The following PLEKHH2 variants were observed in gnomAD, a reference collection of about 807,000 sequenced individuals.
The protein encoded by PLEKHH2 is pleckstrin homology, MyTH4 and FERM domain containing H2.
PLEKHH2 carries 129 observed loss-of-function variants against 187.9 expected under a neutral mutation model. The observed-to-expected ratio is 0.69, with a 90% CI of 0.59 to 0.79. The LOEUF is 0.79. Among genes scored for constraint, PLEKHH2 ranks in the 30% least tolerant of loss-of-function variants. The pLI is 0.00. For synonymous variants in PLEKHH2, 686 were observed against 605.6 expected, an observed-to-expected ratio of 1.13 and a Z score of -1.95; for missense variants, 2,076 against 1,751.2, an observed-to-expected ratio of 1.19 and a Z score of -3.31.
At chr2:43,686,350 C>A (rs1267822886) in intron 3 of PLEKHH2, among the ~76,000 whole-genome samples, 1 of 152,194 alleles carries the variant, frequency 6.6e-6, no homozygotes, top group Non-Finnish European at 1.5e-5. Flanking sequence ...GTGCATGCCA[C>A]CACACCTGGC....
At chr2:43,759,412 C>G (rs1323966137) in intron 27 of PLEKHH2, among the ~76,000 whole-genome samples, 1 of 152,196 alleles carries the variant, frequency 6.6e-6, no homozygotes, top group Non-Finnish European at 1.5e-5. Context: ...CCTATTGTTT[C>G]AGATGGATTG....
chr2:43,650,782 A>AGG (rs1666429916), intron 2 of PLEKHH2, among the ~76,000 whole-genome samples: 1 of 151,680 alleles, frequency 6.6e-6, no homozygotes. Context: ...AGTAGCTGGG[A>AGG]CTACAGTCAT....
chr2:43,725,413 C>T (rs2104556691), intron 16 of PLEKHH2, among the ~76,000 whole-genome samples: 1 of 152,242 alleles, frequency 6.6e-6, no homozygotes. Context: ...TTGGTAATTA[C>T]CCAGGAGACC....
chr2:43,710,985 T>C, intron 14 of PLEKHH2: 1 of 1,000,772 alleles, frequency 1.0e-6, no homozygotes, highest in East Asian at 1.1e-4. Context: ...AGTTCTTATA[T>C]GAACTTCAGA....
intron 3 of PLEKHH2, chr2:43,679,407 TAA>T (rs34103308): frequency 2.2e-4 from 61 of 277,846 alleles, no homozygotes; most frequent in Middle Eastern, 2.9e-3. Context: ...ACCTAAGAGT[TAA>T]AAAAAAAGGC....
At chr2:43,757,422 CTTTTT>C (rs564542581) in intron 26 of PLEKHH2, among the ~76,000 whole-genome samples, 158 bp downstream of exon 26, 1 of 139,410 alleles carries the variant, frequency 7.2e-6, no homozygotes, top group Admixed American at 7.2e-5. Flanking sequence ...TTTTTTCTTT[CTTTTT>C]TTTTTTTTTT....
At chr2:43,737,556 G>A (rs1353704278) in intron 19 of PLEKHH2, among the ~76,000 whole-genome samples, 3 of 152,134 alleles carry the variant, frequency 2.0e-5, no homozygotes, top group South Asian at 2.1e-4. Flanking sequence ...AGCTGTCAGC[G>A]GGGGTAGCAG....
At chr2:43,658,528 G>C (rs1666902043) in intron 2 of PLEKHH2, 1 of 152,216 alleles carries the variant, frequency 6.6e-6, no homozygotes, top group Admixed American at 6.5e-5. Context: ...CAAAATGTTG[G>C]CCTGGGATGT....
At chr2:43,694,214 C>T (rs539634788) in intron 4 of PLEKHH2, among the ~76,000 whole-genome samples, 2 of 152,182 alleles carry the variant, frequency 1.3e-5, no homozygotes, top group Non-Finnish European at 2.9e-5. Context: ...AAGAGAATAG[C>T]GGTTGTTAAA....
chr2:43,759,687 T>A (rs1672351086), intron 27 of PLEKHH2, among the ~76,000 whole-genome samples: 1 of 152,256 alleles, frequency 6.6e-6, no homozygotes, highest in South Asian at 2.1e-4. Flanking sequence ...TTCTGTGTGT[T>A]TGTTTTATAC....
intron 26 of PLEKHH2, 94 bp from the exon 27 acceptor site, chr2:43,758,806 G>T (rs1467152836): frequency 1.8e-6 from 2 of 1,110,624 alleles, no homozygotes; most frequent in African/African-American, 3.2e-5. Flanking sequence ...TTATGCTTAG[G>T]ATTGGCTCAA....
chr2:43,655,226 CT>C (rs1320016816), intron 2 of PLEKHH2, among the ~76,000 whole-genome samples: 3 of 151,506 alleles, frequency 2.0e-5, no homozygotes, highest in African/African-American at 7.3e-5. Context: ...CGCACAAATA[CT>C]TTATAACAGA....
chr2:43,757,268 A>C lies in PLEKHH2; in HGVS notation c.3941+4A>C, dbSNP rs775445996. 7 of 1,550,524 alleles carry C rather than the reference A, an allele frequency of 4.5e-6. No individual in the cohort carries two copies. Among genetic ancestry groups the C allele is most frequent in the Non-Finnish European group, 1.7e-6 (2 of 1,155,548 alleles). ...GCTGTTCTGAAGAGCAGTTAAGGTA[A>C]GGAAATCTTTGTAACTCTTTATAGG... On this transcript the variant is annotated splice_donor_region_variant and intron_variant, in intron 26 of 29. Coordinates refer to ENST00000282406, the MANE Select transcript of PLEKHH2 (RefSeq NM_172069.4).
chr2:43,727,354 G>GTGAGC (rs1276087391), intron 17 of PLEKHH2, among the ~76,000 whole-genome samples: 1 of 138,656 alleles, frequency 7.2e-6, no homozygotes, highest in Non-Finnish European at 1.5e-5. Context: ...AGAGGTTGCA[G>GTGAGC]TGAGCTGAGA....
At chr2:43,686,183 CTTCTTCTTCT>C (rs1378874875) in intron 3 of PLEKHH2, among the ~76,000 whole-genome samples, 5 of 151,472 alleles carry the variant, frequency 3.3e-5, no homozygotes, top group African/African-American at 9.7e-5. Context: ...TCTTCCTCTT[CTTCTTCTTCT>C]TTCTTCTTCT....
chr2:43,713,099 A>AACAC (rs10524364), intron 15 of PLEKHH2, among the ~76,000 whole-genome samples: 6 of 150,676 alleles, frequency 4.0e-5, no homozygotes, highest in African/African-American at 9.8e-5. Context: ...ATATCAAATC[A>AACAC]ACACACACAC....
chr2:43,681,729 C>T, intron 3 of PLEKHH2: 1 of 495,094 alleles, frequency 2.0e-6, no homozygotes, highest in Non-Finnish European at 3.6e-6. Flanking sequence ...TCCCTGATGC[C>T]CCAGACACCC....
intron 1 of PLEKHH2, among the ~76,000 whole-genome samples, chr2:43,637,974 CG>C (rs1258464272): frequency 6.6e-6 from 1 of 152,180 alleles, no homozygotes; most frequent in East Asian, 1.9e-4. Flanking sequence ...TATTGTTGTG[CG>C]TAACGCTGTG....
In PLEKHH2 at chr2:43,765,528, A is replaced by G. The variant is rs1437777186; in HGVS notation, c.4412A>G (p.Gln1471Arg). 6.2e-7 allele frequency: 1 copy of G among 1,614,082 alleles called. No homozygotes were observed. The highest frequency in any genetic ancestry group is 8.5e-7 in the Non-Finnish European group (1 of 1,180,004). Residue 1471 changes from glutamine to arginine, a missense_variant, in exon 30 of 30, where the codon CAA (glutamine) becomes CGA (arginine). Coordinates refer to ENST00000282406, the MANE Select transcript of PLEKHH2 (RefSeq NM_172069.4). ...CTCTCAGCCCAGACCCGGGGACCCC[A>G]AGCCAGAATGATGGGAAGCCAGCCT... ...ALLSAQTRGP[Q>R]ARMMGSQPLL...
Sources: allele counts gnomAD v4.1 joint callset (sites outside exome capture counted in the v4.1 genomes callset), GRCh38; gene constraint gnomAD v4.1.1; transcripts MANE v1.5; gene names NCBI Gene and HGNC (gene_info 2026-07-23, HGNC 2026-07-21).